The following SLC25A21 variants were observed in gnomAD, a reference collection of about 807,000 sequenced individuals.
SLC25A21 encodes the protein mitochondrial 2-oxodicarboxylate carrier.
SLC25A21 carries 47 observed loss-of-function variants against 43.8 expected under a neutral mutation model. That is an observed-to-expected ratio of 1.07 (90% CI 0.85 to 1.37). SLC25A21 has a LOEUF of 1.37. Ranked by LOEUF, SLC25A21 falls within the 40% of genes most tolerant of loss-of-function variation. The probability of loss-of-function intolerance (pLI) is 0.00; values close to 1 mark genes in which losing one functional copy is unlikely to be tolerated. For synonymous variants in SLC25A21, 131 were observed against 121.3 expected (o/e 1.08, Z -0.52); for missense variants, 352 against 350.2 (o/e 1.00, Z -0.04).
intron 1 of SLC25A21, among the ~76,000 whole-genome samples, chr14:37,050,724 T>C (rs955309057): frequency 2.0e-5 from 3 of 152,218 alleles, no homozygotes; most frequent in African/African-American, 7.2e-5. Context: ...TACTCAACAA[T>C]GCAAAACTTT....
intron 1 of SLC25A21, among the ~76,000 whole-genome samples, chr14:36,977,690 A>G (rs911253880): frequency 2.0e-5 from 3 of 152,214 alleles, no homozygotes; most frequent in Admixed American, 6.5e-5. Flanking sequence ...TAGTAATTAT[A>G]TAACAGTATA....
intron 2 of SLC25A21, among the ~76,000 whole-genome samples, chr14:36,849,926 A>G (rs1166544741): frequency 1.3e-4 from 20 of 152,150 alleles, no homozygotes; most frequent in Admixed American, 1.3e-3. Context: ...GCCTATTCAA[A>G]TCTTTATCGT....
intron 1 of SLC25A21, among the ~76,000 whole-genome samples, chr14:37,104,140 A>C (rs1426745582): frequency 7.9e-5 from 12 of 152,190 alleles, no homozygotes. Flanking sequence ...TCTGCTACCA[A>C]ATCAGAACAC....
At chr14:36,780,534 A>G (rs1280750446) in intron 3 of SLC25A21, among the ~76,000 whole-genome samples, 1 of 151,922 alleles carries the variant, frequency 6.6e-6, no homozygotes, top group African/African-American at 2.4e-5. Flanking sequence ...ATGTGTTTTT[A>G]TTCTTGTTTG....
intron 2 of SLC25A21, among the ~76,000 whole-genome samples, chr14:36,834,383 G>A (rs903153028): frequency 1.3e-5 from 2 of 152,132 alleles, no homozygotes; most frequent in Non-Finnish European, 2.9e-5. Context: ...TTCAAATCCT[G>A]GCTATGCCAC....
chr14:36,692,189 A>C (rs993115816), intron 7 of SLC25A21, among the ~76,000 whole-genome samples: 8 of 152,208 alleles, frequency 5.3e-5, no homozygotes, highest in African/African-American at 1.7e-4. Context: ...AGATGTGTTT[A>C]CCAGCCCCTC....
intron 1 of SLC25A21, among the ~76,000 whole-genome samples, chr14:37,129,204 A>T (rs1033869311): frequency 1.3e-5 from 2 of 152,110 alleles, no homozygotes; most frequent in African/African-American, 4.8e-5. Flanking sequence ...TCCAACACTG[A>T]CTCATAACAC....
At chr14:37,147,611 C>T (rs1401245950) in intron 1 of SLC25A21, among the ~76,000 whole-genome samples, 1 of 147,348 alleles carries the variant, frequency 6.8e-6, no homozygotes, top group Non-Finnish European at 1.5e-5. Flanking sequence ...GCTGCCATTA[C>T]TGGTATTTCA....
At chr14:36,915,864 G>T (rs1488743263) in intron 1 of SLC25A21, among the ~76,000 whole-genome samples, 2 of 152,220 alleles carry the variant, frequency 1.3e-5, no homozygotes, top group African/African-American at 2.4e-5. Flanking sequence ...TGACAAATCA[G>T]AAAAGACCCT....
At chr14:36,989,104 C>A (rs902751104) in intron 1 of SLC25A21, among the ~76,000 whole-genome samples, 1 of 152,178 alleles carries the variant, frequency 6.6e-6, no homozygotes, top group African/African-American at 2.4e-5. Context: ...ATGAAAAAAT[C>A]AGATCTCAGT....
At chr14:37,123,460 G>C (rs909369547) in intron 1 of SLC25A21, among the ~76,000 whole-genome samples, 7 of 152,158 alleles carry the variant, frequency 4.6e-5, no homozygotes, top group Non-Finnish European at 1.0e-4. Context: ...TGTTTGCCCT[G>C]CCAGATACTC....
chr14:36,979,323 G>GTTTTGTTT (rs1959959003), intron 1 of SLC25A21, among the ~76,000 whole-genome samples: 1 of 123,756 alleles, frequency 8.1e-6, no homozygotes, highest in African/African-American at 6.2e-5. Flanking sequence ...TTAAGGTAGT[G>GTTTTGTTT]TTTTTTTGGT....
intron 1 of SLC25A21, among the ~76,000 whole-genome samples, chr14:36,989,910 G>A (rs1292151605): frequency 6.6e-6 from 1 of 152,036 alleles, no homozygotes; most frequent in Non-Finnish European, 1.5e-5. Context: ...GAGAGAAAGA[G>A]AGCAAGAAAG....
chr14:36,726,556 T>C (rs1011235147), intron 5 of SLC25A21, among the ~76,000 whole-genome samples: 1 of 152,244 alleles, frequency 6.6e-6, no homozygotes, highest in Non-Finnish European at 1.5e-5. Context: ...AAAAGGTGAC[T>C]GTATGTCAAG....
chr14:36,861,375 G>A (rs1344948415), intron 2 of SLC25A21, among the ~76,000 whole-genome samples: 6 of 152,080 alleles, frequency 3.9e-5, no homozygotes, highest in East Asian at 3.9e-4. Context: ...GACTTCATTC[G>A]GCTTGATTCC....
rs1363310498 is a variant in SLC25A21 at position 36,918,806 on chromosome 14, CA to C, written c.71-43803del. Among the ~76,000 whole-genome samples, 20 of 151,858 alleles carry C rather than the reference CA, an allele frequency of 1.3e-4. 1 individual carries two copies. The highest frequency in any genetic ancestry group is 2.0e-4 in the Admixed American group (3 of 15,232). ...AAAAATAACTAATGAAAAACATTCA[CA>C]AAAAAGACCAAATGGGGAGAAAAAG... On this transcript the variant is annotated intron_variant, in intron 1 of 9. Transcript: ENST00000331299.
chr14:36,732,866 C>G (rs746582659), intron 4 of SLC25A21, among the ~76,000 whole-genome samples: 14 of 152,088 alleles, frequency 9.2e-5, no homozygotes, highest in Non-Finnish European at 1.8e-4. Flanking sequence ...CTTAAAAAGC[C>G]AACAAACTTA....
intron 1 of SLC25A21, among the ~76,000 whole-genome samples, chr14:36,897,101 G>A (rs1196510478): frequency 6.6e-6 from 1 of 152,110 alleles, no homozygotes; most frequent in Non-Finnish European, 1.5e-5. Context: ...GCTAGATTGG[G>A]GAAGTTCTCC....
At position 36,863,846 on chromosome 14, in the gene SLC25A21, G is replaced by A. The variant is rs549711475; in HGVS notation, c.119+11110C>T. Among the ~76,000 whole-genome samples, 161 of 152,296 alleles carry A rather than the reference G, an allele frequency of 1.1e-3. 2 individuals are homozygous for A. The highest frequency in any genetic ancestry group is 3.7e-3 in the African/African-American group (153 of 41,572). ...TAAGGCAGTTATTGCAACCAACCCG[G>A]CCTAGGGCCTGGGTCTGTATTCAGT... On this transcript the variant is annotated intron_variant, in intron 2 of 9. Transcript: ENST00000331299.
Sources: gnomAD v4.1 joint callset for allele counts (sites outside exome capture counted in the v4.1 genomes callset) on GRCh38, gnomAD v4.1.1 for gene constraint, MANE v1.5 for transcripts, NCBI Gene and HGNC (gene_info 2026-07-23, HGNC 2026-07-21) for gene names.